Variants in GSDMC observed in about 807,000 individuals in gnomAD.
GSDMC encodes gasdermin-C.
A neutral mutation model predicts 58.0 loss-of-function variants in GSDMC; 59 were observed. The ratio of observed to expected loss-of-function variants is 1.02; its 90% confidence interval spans 0.82 to 1.26. GSDMC has a LOEUF of 1.26. Ranked by LOEUF, GSDMC falls within the 50% of genes most tolerant of loss-of-function variation. The pLI is 0.00. For synonymous variants in GSDMC, 241 were observed against 220.2 expected, an observed-to-expected ratio of 1.09 and a Z score of -0.83; for missense variants, 659 against 598.5, an observed-to-expected ratio of 1.10 and a Z score of -1.06.
In GSDMC at chr8:129,776,115, C is replaced by A; in HGVS notation, c.391G>T (p.Asp131Tyr). 1 of 1,612,580 alleles carries A rather than the reference C, an allele frequency of 6.2e-7. No individual in the cohort carries two copies. Among genetic ancestry groups the A allele is most frequent in the Non-Finnish European group, 8.5e-7 (1 of 1,179,390 alleles). Residue 131 changes from aspartate to tyrosine, a missense_variant, in exon 3 of 14, where the codon GAC becomes TAC. By Grantham distance (160) the Asp-to-Tyr change is radical. Coordinates refer to ENST00000276708, the MANE Select transcript of GSDMC (RefSeq NM_031415.3). ...CCATGGCCTCACCTTTTTTGAAAGT[C>A]TTCCAGGTTTGGTGATGGGATGGTA... ...IVTIPSPNLE[D>Y]FQKRKLLDPE...
At chr8:129,713,866 G>C in the GSDMC span, among the ~76,000 whole-genome samples, 1 of 152,008 alleles carries the variant, frequency 6.6e-6, no homozygotes, top group African/African-American at 2.4e-5. Flanking sequence ...CCCTGACTCA[G>C]GGGGGATTTA....
the GSDMC span, among the ~76,000 whole-genome samples, chr8:129,725,313 A>G: frequency 6.6e-6 from 1 of 152,206 alleles, no homozygotes; most frequent in African/African-American, 2.4e-5. Flanking sequence ...AACCTCAGGT[A>G]ATGAACTGAC....
At position 129,752,834 on chromosome 8, in the gene GSDMC, G is replaced by T; in HGVS notation, c.722-14C>A. On this transcript the variant is annotated splice_polypyrimidine_tract_variant and intron_variant, in intron 6 of 13. Transcript: ENST00000276708. ...AAATTTCGTACTCTTGGGAGAGAGGGAGAGCAGAATGACTGGGTAACTTTA... is the reference window on the plus strand; with the variant it reads ...AAATTTCGTACTCTTGGGAGAGAGGTAGAGCAGAATGACTGGGTAACTTTA... 1.9e-6 allele frequency: 3 copies of T among 1,614,094 alleles called. No homozygotes were observed. Among genetic ancestry groups the T allele is most frequent in the Middle Eastern group, 1.7e-4 (1 of 6,058 alleles).
In GSDMC at chr8:129,760,586, A is replaced by G; in HGVS notation, c.680T>C (p.Ile227Thr). The change falls in exon 6 of 14, where the codon ATT becomes ACT. Residue 227 changes from isoleucine (I) to threonine (T), a missense_variant. Coordinates refer to ENST00000276708, the MANE Select transcript of GSDMC (RefSeq NM_031415.3). ...CTGTTCATCATCATCTGAGATGAGAATGGCTGAATGGAAAAGAAGAACTTC... is the reference window on the plus strand; with the variant it reads ...CTGTTCATCATCATCTGAGATGAGAGTGGCTGAATGGAAAAGAAGAACTTC... ...RKQLVIKEKA[I>T]LISDDDEQRT... 1 of 1,588,330 alleles carries G rather than the reference A, an allele frequency of 6.3e-7. No individual in the cohort carries two copies. The highest frequency in any genetic ancestry group is 8.6e-7 in the Non-Finnish European group (1 of 1,157,114).
At chr8:129,784,219 A>C (rs1221278082) in intron 1 of GSDMC, among the ~76,000 whole-genome samples, 1 of 152,226 alleles carries the variant, frequency 6.6e-6, no homozygotes, top group Admixed American at 6.5e-5. Flanking sequence ...CAGCACAGGC[A>C]ACCAAAGCAA....
chr8:129,751,635 G>GA, intron 9 of GSDMC, 67 bp from the exon 10 acceptor site: 1 of 1,477,184 alleles, frequency 6.8e-7, no homozygotes. Flanking sequence ...AGATGTTTTG[G>GA]AGGGTTCTGC....
the GSDMC span, among the ~76,000 whole-genome samples, chr8:129,712,253 T>C: frequency 6.6e-6 from 1 of 152,234 alleles, no homozygotes; most frequent in Non-Finnish European, 1.5e-5. Flanking sequence ...ATTTCTACCT[T>C]AGAAGTTTTA....
At chr8:129,716,379 A>C in the GSDMC span, among the ~76,000 whole-genome samples, 1 of 152,232 alleles carries the variant, frequency 6.6e-6, no homozygotes, top group African/African-American at 2.4e-5. Context: ...CTTTGTAGCA[A>C]TTGTGAATGG....
At chr8:129,737,313 A>C in the GSDMC span, among the ~76,000 whole-genome samples, 28 of 152,338 alleles carry the variant, frequency 1.8e-4, no homozygotes, top group Middle Eastern at 6.8e-3. Context: ...ATGGAACCAA[A>C]AAAGAGCCTG....
chr8:129,706,360 G>T, the GSDMC span, among the ~76,000 whole-genome samples: 1 of 152,144 alleles, frequency 6.6e-6, no homozygotes, highest in African/African-American at 2.4e-5. Flanking sequence ...CAGAAGGGAA[G>T]AAAAGGAAAA....
At chr8:129,756,567 T>C (rs575536884) in intron 6 of GSDMC, among the ~76,000 whole-genome samples, 1 of 152,292 alleles carries the variant, frequency 6.6e-6, no homozygotes, top group African/African-American at 2.4e-5. Context: ...AATAGATACT[T>C]AGAGAACATT....
chr8:129,731,170 G>A, the GSDMC span, among the ~76,000 whole-genome samples: 1 of 152,130 alleles, frequency 6.6e-6, no homozygotes, highest in Non-Finnish European at 1.5e-5. Context: ...TATTAAGAAG[G>A]ATAAAAAAGA....
chr8:129,750,506 ATCCTTTG>A lies in GSDMC; in HGVS notation c.1001_1007del (p.Ser334LeufsTer23). 6.2e-7 allele frequency: 1 copy of A among 1,613,808 alleles called. No homozygotes were observed. Among genetic ancestry groups the A allele is most frequent in the Non-Finnish European group, 8.5e-7 (1 of 1,179,734 alleles). ...TACTGTAGAACATGACATCCTGAAC[ATCCTTTG>A]AGAGCTGAGCCAGTGTCTTTATTTT... On this transcript the variant is annotated frameshift_variant, in exon 11 of 14. Coordinates refer to ENST00000276708, the MANE Select transcript of GSDMC (RefSeq NM_031415.3). LOFTEE classifies it high-confidence loss of function.
intron 3 of GSDMC, among the ~76,000 whole-genome samples, chr8:129,773,803 G>T (rs1346358637): frequency 1.5e-5 from 2 of 134,092 alleles, no homozygotes; most frequent in Non-Finnish European, 3.3e-5. Flanking sequence ...AAAAAAAAAA[G>T]TCCGTTTATA....
intron 3 of GSDMC, among the ~76,000 whole-genome samples, chr8:129,767,626 C>T (rs1051073608): frequency 6.6e-6 from 1 of 152,100 alleles, no homozygotes; most frequent in Non-Finnish European, 1.5e-5. Context: ...AACTGAGTAG[C>T]CCTACCTGGA....
At position 129,750,116 on chromosome 8, in the gene GSDMC, C is replaced by A; in HGVS notation, c.1087G>T (p.Glu363Ter). 1 of 1,564,478 alleles carries A rather than the reference C, an allele frequency of 6.4e-7. No individual in the cohort carries two copies. The highest frequency in any genetic ancestry group is 8.6e-7 in the Non-Finnish European group (1 of 1,161,290). The change falls in exon 12 of 14, where the codon GAA becomes TAA. Residue 363 changes from glutamate (E) to a stop codon, truncating the protein, a stop_gained. Transcript: ENST00000276708. LOFTEE classifies it high-confidence loss of function. ...GALQDLMNMLELDSSGHLDGP... is the reference protein window; with the variant it reads ...GALQDLMNML ...TCCAAATGACCTGAGCTGTCCAATT[C>A]CAGCTATAGAAGACAGGTATTATTG...
At chr8:129,784,365 G>C (rs2034497624) in intron 1 of GSDMC, among the ~76,000 whole-genome samples, 1 of 151,586 alleles carries the variant, frequency 6.6e-6, no homozygotes, top group African/African-American at 2.4e-5. Context: ...ATAATAACCA[G>C]AAAATATAAG....
At chr8:129,733,042 G>A in the GSDMC span, among the ~76,000 whole-genome samples, 6 of 152,232 alleles carry the variant, frequency 3.9e-5, no homozygotes, top group African/African-American at 9.6e-5. Flanking sequence ...CCACACCCAC[G>A]GAGCCTTGCT....
intron 1 of GSDMC, among the ~76,000 whole-genome samples, chr8:129,779,820 T>C (rs72718336): frequency 0.15 from 23,071 of 152,018 alleles, 2,088 homozygotes; most frequent in East Asian, 0.31. Flanking sequence ...CAGAAATATG[T>C]AATCATTCAA....
Sources: allele counts gnomAD v4.1 joint callset (sites outside exome capture counted in the v4.1 genomes callset), GRCh38; gene constraint gnomAD v4.1.1; transcripts MANE v1.5; gene names NCBI Gene and HGNC (gene_info 2026-07-23, HGNC 2026-07-21).